The following XXYLT1 variants were observed in gnomAD, a reference collection of about 807,000 sequenced individuals.
The protein encoded by XXYLT1 is xyloside xylosyltransferase 1.
XXYLT1 carries 20 observed loss-of-function variants against 28.9 expected under a neutral mutation model. That is an observed-to-expected ratio of 0.69 (90% CI 0.49 to 1.00). The LOEUF is 1.00. XXYLT1 is among the 50% of genes least tolerant of loss of function. XXYLT1 has a pLI of 0.00. For missense variants in XXYLT1, 542 were observed against 560.1 expected, an observed-to-expected ratio of 0.97 and a Z score of 0.33; for synonymous variants, 257 against 253.8, an observed-to-expected ratio of 1.01 and a Z score of -0.12.
chr3:195,161,197 T>C (rs1720853463), intron 2 of XXYLT1, among the ~76,000 whole-genome samples: 1 of 152,190 alleles, frequency 6.6e-6, no homozygotes. Context: ...TATCTTCCAG[T>C]TTCAGATGAG....
chr3:195,266,512 A>C (rs1725855131), intron 1 of XXYLT1, among the ~76,000 whole-genome samples: 1 of 152,024 alleles, frequency 6.6e-6, no homozygotes, highest in Non-Finnish European at 1.5e-5. Flanking sequence ...ATAAAAGAAA[A>C]AGACAAAAAA....
rs1292176993 is a variant in XXYLT1 at position 195,078,362 on chromosome 3, CG to C, written c.786-8252del. On this transcript the variant is annotated intron_variant, in intron 3 of 3. Coordinates refer to ENST00000310380, the MANE Select transcript of XXYLT1 (RefSeq NM_152531.5). This position sits in a 1 kb window ranked among gnomAD's most constrained non-coding sequence, Gnocchi z 5.0. ...CCCTCACACTGACAGCCGAGAGGCCCGTAGCGAGTCAGGCCATGGGGGCCTT... is the reference window on the plus strand; with the variant it reads ...CCCTCACACTGACAGCCGAGAGGCCCTAGCGAGTCAGGCCATGGGGGCCTT... Among the ~76,000 whole-genome samples the C allele has an allele frequency of 6.6e-6, 1 of 152,062 alleles. No individual in the cohort carries two copies. The highest frequency in any genetic ancestry group is 1.5e-5 in the Non-Finnish European group (1 of 68,006).
intron 3 of XXYLT1, among the ~76,000 whole-genome samples, chr3:195,125,858 G>A (rs1007169719): frequency 1.1e-4 from 17 of 152,234 alleles, no homozygotes; most frequent in Non-Finnish European, 2.2e-4. Flanking sequence ...CCGCTCCAGC[G>A]GGCATCCACC....
intron 3 of XXYLT1, among the ~76,000 whole-genome samples, chr3:195,110,337 ATG>A (rs1717531859): frequency 4.5e-4 from 1 of 2,208 alleles, no homozygotes; most frequent in Non-Finnish European, 1.7e-3. Context: ...AGGTGTGTGT[ATG>A]TGTGTGGTGT....
At chr3:195,269,826 C>T (rs1391284994) in intron 1 of XXYLT1, among the ~76,000 whole-genome samples, 1 of 152,164 alleles carries the variant, frequency 6.6e-6, no homozygotes, top group East Asian at 1.9e-4. Context: ...AAACACATCT[C>T]AGACAAGGAG....
At chr3:195,211,778 C>A (rs543457136) in intron 2 of XXYLT1, among the ~76,000 whole-genome samples, 5 of 152,260 alleles carry the variant, frequency 3.3e-5, no homozygotes, top group African/African-American at 1.2e-4. Flanking sequence ...GGCCTCATTG[C>A]ACAAAGATCT....
At chr3:195,212,676 C>A (rs1723375816) in intron 2 of XXYLT1, among the ~76,000 whole-genome samples, 1 of 152,306 alleles carries the variant, frequency 6.6e-6, no homozygotes, top group African/African-American at 2.4e-5. Context: ...GCTGCATGCT[C>A]CTTATGAGAC....
At chr3:195,100,711 C>G (rs111440454) in intron 3 of XXYLT1, among the ~76,000 whole-genome samples, 1 of 152,118 alleles carries the variant, frequency 6.6e-6, no homozygotes, top group African/African-American at 2.4e-5. Context: ...CTTCTTGTCA[C>G]GAAAACCCAG....
At chr3:195,228,692 G>C (rs1349162605) in intron 1 of XXYLT1, among the ~76,000 whole-genome samples, 3 of 148,880 alleles carry the variant, frequency 2.0e-5, no homozygotes, top group African/African-American at 7.8e-5. Context: ...GTTTCACCAT[G>C]TTAGCCAGGA....
At chr3:195,263,997 G>A (rs1000210875) in intron 1 of XXYLT1, among the ~76,000 whole-genome samples, 7 of 152,216 alleles carry the variant, frequency 4.6e-5, no homozygotes, top group Middle Eastern at 3.4e-3. Flanking sequence ...CAAACACTCC[G>A]GCCTGTTGCT....
In XXYLT1 at chr3:195,257,834, C is replaced by T. The variant is rs1725536729; in HGVS notation, c.504+12721G>A. Among the ~76,000 whole-genome samples the T allele has an allele frequency of 6.6e-6, 1 of 152,124 alleles. No homozygotes were observed. The highest frequency in any genetic ancestry group is 2.1e-4 in the South Asian group (1 of 4,826). Reference sequence around the variant, plus strand: ...GCTCCAGCTGCCTGAGTTCCCTCATCTCTAAGGTGGGCAGGTCACATGCTA... The same window carrying T: ...GCTCCAGCTGCCTGAGTTCCCTCATTTCTAAGGTGGGCAGGTCACATGCTA... On this transcript the variant is annotated intron_variant, in intron 1 of 3. Transcript: ENST00000310380. This position sits in a 1 kb window ranked among gnomAD's most constrained non-coding sequence, Gnocchi z 4.3.
At position 195,135,428 on chromosome 3, in the gene XXYLT1, G is replaced by T. The variant is rs555485232; in HGVS notation, c.785+21021C>A. The stretch of plus-strand genomic sequence containing the variant: ...AGAGTCAGTCAGCAGGGGCAGGGAG[G>T]TTTGTTCAGCATTTCAGTGAAGAGA... On this transcript the variant is annotated intron_variant, in intron 3 of 3. Coordinates refer to ENST00000310380, the MANE Select transcript of XXYLT1 (RefSeq NM_152531.5). 7.9e-5 allele frequency among the ~76,000 whole-genome samples: 12 copies of T among 152,316 alleles called. No individual in the cohort carries two copies. The East Asian group carries it at 1.9e-3, about 24-fold the overall frequency.
At chr3:195,171,503 A>G (rs997051380) in intron 2 of XXYLT1, among the ~76,000 whole-genome samples, 3 of 152,214 alleles carry the variant, frequency 2.0e-5, no homozygotes, top group African/African-American at 7.2e-5. Flanking sequence ...GCATGAACGA[A>G]AAACTTTGGC....
At chr3:195,170,164 T>TTA (rs1223493307) in intron 2 of XXYLT1, among the ~76,000 whole-genome samples, 2 of 152,138 alleles carry the variant, frequency 1.3e-5, no homozygotes, top group African/African-American at 4.8e-5. Flanking sequence ...ATGTATATAT[T>TTA]TATATATATG....
At chr3:195,100,018 T>A (rs868813018) in intron 3 of XXYLT1, among the ~76,000 whole-genome samples, 1 of 151,944 alleles carries the variant, frequency 6.6e-6, no homozygotes, top group African/African-American at 2.4e-5. Flanking sequence ...ACAGACTAAA[T>A]AAAGTACAAT....
chr3:195,102,324 A>G (rs1453397214), intron 3 of XXYLT1, among the ~76,000 whole-genome samples: 2 of 152,122 alleles, frequency 1.3e-5, no homozygotes, highest in Admixed American at 6.5e-5. Flanking sequence ...CGCAAAATTC[A>G]TGAATACGAT....
intron 2 of XXYLT1, among the ~76,000 whole-genome samples, chr3:195,192,385 A>C (rs777591215): frequency 6.6e-6 from 1 of 150,652 alleles, no homozygotes; most frequent in Non-Finnish European, 1.5e-5. Flanking sequence ...AGATCACGCC[A>C]CTGCACTCCA....
intron 2 of XXYLT1, among the ~76,000 whole-genome samples, chr3:195,198,026 C>T (rs1012082913): frequency 1.3e-5 from 2 of 152,226 alleles, no homozygotes; most frequent in Non-Finnish European, 2.9e-5. Context: ...TCTCCCCTAT[C>T]CATGAAATCG....
At chr3:195,267,337 T>C (rs1725876986) in intron 1 of XXYLT1, among the ~76,000 whole-genome samples, 1 of 152,224 alleles carries the variant, frequency 6.6e-6, no homozygotes, top group Admixed American at 6.5e-5. Context: ...CCCCCTGGAC[T>C]TTACAAGACA....
Sources: allele counts gnomAD v4.1 joint callset (sites outside exome capture counted in the v4.1 genomes callset), GRCh38; gene constraint gnomAD v4.1.1; non-coding constraint Gnocchi (gnomAD v3.1); transcripts MANE v1.5; gene names NCBI Gene and HGNC (gene_info 2026-07-23, HGNC 2026-07-21).